SCN10A: variants seen among roughly 807,000 people sequenced by gnomAD.
The protein encoded by SCN10A is sodium channel protein type 10 subunit alpha.
SCN10A carries 162 observed loss-of-function variants against 170.7 expected under a neutral mutation model. That is an observed-to-expected ratio of 0.95 (90% CI 0.84 to 1.08). The LOEUF is 1.08. SCN10A is among the 50% of genes least tolerant of loss of function. The probability of loss-of-function intolerance (pLI) is 0.00; values close to 1 mark genes in which losing one functional copy is unlikely to be tolerated. For missense variants in SCN10A, 2,527 were observed against 2,436.9 expected, an observed-to-expected ratio of 1.04 and a Z score of -0.78; for synonymous variants, 985 against 904.6, an observed-to-expected ratio of 1.09 and a Z score of -1.59.
rs747839312 is a variant in SCN10A, at chr3:38,728,717, G to A, written c.2465C>T (p.Ala822Val). Residue 822 changes from alanine (A) to valine (V), a missense_variant, in exon 16 of 28, where the codon GCG becomes GTG. Physicochemically the swap from Ala to Val is moderately conservative, Grantham distance 64. Coordinates refer to ENST00000449082, the MANE Select transcript of SCN10A (RefSeq NM_006514.4). Reference sequence around the variant, plus strand: ...CCAGCGGGGCCAGTCTTCATGGGGCGCGGAGATATTTTTTCGGTTGTTACG... The same window carrying A: ...CCAGCGGGGCCAGTCTTCATGGGGCACGGAGATATTTTTTCGGTTGTTACG... ...NYRNNRKNIS[A>V]PHEDWPRWHM... The A allele has an allele frequency of 9.2e-5, 149 of 1,614,050 alleles. No homozygotes were observed. Among genetic ancestry groups the A allele is most frequent in the Non-Finnish European group, 1.2e-4 (141 of 1,180,034 alleles).
chr3:38,785,419 G>A (rs536314608), intron 4 of SCN10A, among the ~76,000 whole-genome samples: 2 of 152,252 alleles, frequency 1.3e-5, no homozygotes, highest in African/African-American at 4.8e-5. Flanking sequence ...GGGGAAAACT[G>A]GCTAGCCTTA....
At chr3:38,736,977 T>TTTTTTTTTG (rs2063570739) in intron 15 of SCN10A, among the ~76,000 whole-genome samples, 1 of 108,716 alleles carries the variant, frequency 9.2e-6, no homozygotes, top group African/African-American at 3.6e-5. Context: ...TTTTTTTTTT[T>TTTTTTTTTG]TTTTTTTTTT....
At chr3:38,814,789 C>T (rs538493211) in intron 1 of SCN10A, among the ~76,000 whole-genome samples, 13 of 152,320 alleles carry the variant, frequency 8.5e-5, no homozygotes, top group African/African-American at 3.1e-4. Context: ...CTAAAACCTT[C>T]CTAACATTTC....
At chr3:38,755,707 A>C in intron 11 of SCN10A, 81 bp downstream of exon 11, 10 of 1,534,800 alleles carry the variant, frequency 6.5e-6, no homozygotes, top group Non-Finnish European at 9.0e-6. Flanking sequence ...TCTCTGCCAC[A>C]CACCTCTTCC....
chr3:38,715,209 C>T (rs1000324182), intron 21 of SCN10A, among the ~76,000 whole-genome samples: 5 of 152,242 alleles, frequency 3.3e-5, no homozygotes, highest in South Asian at 4.1e-4. Flanking sequence ...GTCTTTTGCT[C>T]AGCCCCCTGG....
At chr3:38,700,561 T>G (rs2063145499) in intron 27 of SCN10A, among the ~76,000 whole-genome samples, 1 of 152,198 alleles carries the variant, frequency 6.6e-6, no homozygotes, top group East Asian at 1.9e-4. Context: ...ACTCATAAAG[T>G]TGTGTACATT....
intron 1 of SCN10A, among the ~76,000 whole-genome samples, chr3:38,808,249 T>C (rs1479836257): frequency 2.0e-5 from 3 of 151,834 alleles, no homozygotes; most frequent in East Asian, 1.9e-4. Flanking sequence ...ACATGCTTTT[T>C]TCTCTCTCTC....
intron 13 of SCN10A, among the ~76,000 whole-genome samples, chr3:38,743,996 A>C (rs949777406): frequency 6.6e-6 from 1 of 152,220 alleles, no homozygotes; most frequent in African/African-American, 2.4e-5. Flanking sequence ...TCGGCAAGAC[A>C]TGCATCTTGA....
At chr3:38,763,747 A>T in intron 5 of SCN10A, 151 bp from the exon 6 acceptor site, 1 of 633,442 alleles carries the variant, frequency 1.6e-6, no homozygotes, top group South Asian at 1.9e-5. Context: ...ATAGACTGAC[A>T]CTGACACTGA....
At position 38,809,199 on chromosome 3, in the gene SCN10A, C is replaced by A. The variant is rs534215852; in HGVS notation, c.-33+6838G>T. Among the ~76,000 whole-genome samples the A allele has an allele frequency of 3.3e-5, 5 of 152,334 alleles. 1 individual carries two copies. The South Asian group carries it at 1.0e-3, about 32-fold the overall frequency. On this transcript the variant is annotated intron_variant, in intron 1 of 27. Transcript: ENST00000449082. ...GGACTGGGTTGGATCACACACCTGG[C>A]AGAAGTATTTCTCCCAAATGTGATT...
rs781764568 is a variant in SCN10A at position 38,792,165 on chromosome 3, A to G, written c.274T>C (p.Phe92Leu). 3 of 1,613,226 alleles carry G rather than the reference A, an allele frequency of 1.9e-6. No individual in the cohort carries two copies. In the African/African-American group the frequency reaches 4.0e-5, roughly 22 times the overall value. ...LDPFYSTHRT[F>L]MVLNKGRTIS... ...GTCCTCCCTTTGTTCAGCACCATAA[A>G]TGTCTGAAACAAAACAAAACAGAAA... Residue 92 changes from phenylalanine to leucine, a missense_variant, in exon 3 of 28, where the codon TTT (phenylalanine) becomes CTT (leucine). Coordinates refer to ENST00000449082, the MANE Select transcript of SCN10A (RefSeq NM_006514.4).
At chr3:38,723,252 G>A (rs971976161) in intron 19 of SCN10A, among the ~76,000 whole-genome samples, 178 bp downstream of exon 19, 5 of 152,170 alleles carry the variant, frequency 3.3e-5, no homozygotes, top group Non-Finnish European at 7.3e-5. Context: ...CAGATACCAC[G>A]GCCAGGCTGC....
At chr3:38,761,471 C>G in intron 6 of SCN10A, 88 bp from the exon 7 acceptor site, 6 of 1,185,028 alleles carry the variant, frequency 5.1e-6, no homozygotes, top group Admixed American at 2.2e-5. Context: ...TCCTTCATCT[C>G]TACATACAGG....
chr3:38,757,288 T>TACGGCGACCACCGA, intron 8 of SCN10A, 129 bp from the exon 9 acceptor site: 70 of 900,842 alleles, frequency 7.8e-5, no homozygotes, highest in East Asian at 2.5e-4. Context: ...ATTAGCAGGA[T>TACGGCGACCACCGA]GATCTTGGAC....
intron 20 of SCN10A, among the ~76,000 whole-genome samples, chr3:38,720,279 T>C (rs2063376724): frequency 6.6e-6 from 1 of 152,212 alleles, no homozygotes; most frequent in Admixed American, 6.5e-5. Flanking sequence ...AGGAATATGT[T>C]ATAGCCATTA....
intron 4 of SCN10A, among the ~76,000 whole-genome samples, chr3:38,788,437 G>C (rs1315812294): frequency 1.3e-5 from 2 of 152,128 alleles, no homozygotes; most frequent in African/African-American, 4.8e-5. Context: ...GGCATATGAA[G>C]CATGATAACT....
intron 6 of SCN10A, among the ~76,000 whole-genome samples, chr3:38,762,544 C>T (rs1337308244): frequency 1.3e-5 from 2 of 151,990 alleles, no homozygotes; most frequent in Non-Finnish European, 2.9e-5. Context: ...TTTGCAGAAC[C>T]GTAGGTGGAT....
chr3:38,733,180 G>C (rs2063528097), intron 15 of SCN10A, among the ~76,000 whole-genome samples: 2 of 152,150 alleles, frequency 1.3e-5, no homozygotes, highest in Admixed American at 1.3e-4. Context: ...ATCCCTGACT[G>C]AAAAAGCCTT....
intron 1 of SCN10A, among the ~76,000 whole-genome samples, chr3:38,803,127 A>G (rs145191011): frequency 2.0e-5 from 3 of 152,158 alleles, no homozygotes; most frequent in Admixed American, 1.3e-4. Context: ...TTAGAATGGC[A>G]ATCATTAAAA....
Sources: allele counts gnomAD v4.1 joint callset (sites outside exome capture counted in the v4.1 genomes callset), GRCh38; gene constraint gnomAD v4.1.1; transcripts MANE v1.5; gene names NCBI Gene and HGNC (gene_info 2026-07-23, HGNC 2026-07-21).